Variants in SLC2A13 observed in about 807,000 individuals in gnomAD.
The protein encoded by SLC2A13 is proton myo-inositol cotransporter.
A neutral mutation model predicts 64.4 loss-of-function variants in SLC2A13; 32 were observed. The ratio of observed to expected loss-of-function variants is 0.50; its 90% CI spans 0.37 to 0.67. The LOEUF (loss-of-function observed/expected upper bound fraction) is 0.67, where lower values mean the gene tolerates loss of function less well. Among genes scored for constraint, SLC2A13 ranks in the 30% least tolerant of loss-of-function variants. The pLI is 0.00. For synonymous variants in SLC2A13, 338 were observed against 327.1 expected (o/e 1.03, Z -0.36); for missense variants, 743 against 829.2 (o/e 0.90, Z 1.28).
chr12:39,958,356 T>A (rs997999412), intron 3 of SLC2A13, among the ~76,000 whole-genome samples: 1 of 152,182 alleles, frequency 6.6e-6, no homozygotes, highest in African/African-American at 2.4e-5. Flanking sequence ...AACATACCAG[T>A]CCTACAATGT....
intron 7 of SLC2A13, among the ~76,000 whole-genome samples, chr12:39,821,071 C>G (rs1372050335): frequency 6.6e-6 from 1 of 152,096 alleles, no homozygotes; most frequent in Non-Finnish European, 1.5e-5. Flanking sequence ...CTTTCTTTCA[C>G]TGCCCTGTAC....
At chr12:40,016,780 C>T (rs1947628492) in intron 3 of SLC2A13, among the ~76,000 whole-genome samples, 2 of 152,142 alleles carry the variant, frequency 1.3e-5, no homozygotes, top group African/African-American at 2.4e-5. Flanking sequence ...TAATAAATCA[C>T]ATGAGATTTT....
chr12:40,036,622 G>A (rs944665793), intron 2 of SLC2A13, among the ~76,000 whole-genome samples: 7 of 152,144 alleles, frequency 4.6e-5, no homozygotes, highest in African/African-American at 1.4e-4. Flanking sequence ...TCATATGGTT[G>A]TTCCTTCTAT....
At chr12:39,925,138 T>G (rs890079802) in intron 4 of SLC2A13, among the ~76,000 whole-genome samples, 5 of 150,964 alleles carry the variant, frequency 3.3e-5, no homozygotes, top group African/African-American at 1.2e-4. Context: ...GCTAAATCTA[T>G]GCTCCCACCT....
At chr12:40,081,040 C>T (rs1357811490) in intron 1 of SLC2A13, among the ~76,000 whole-genome samples, 1 of 152,206 alleles carries the variant, frequency 6.6e-6, no homozygotes, top group Non-Finnish European at 1.5e-5. Context: ...CCAATCTCTT[C>T]TGGCTTGTAA....
intron 6 of SLC2A13, among the ~76,000 whole-genome samples, chr12:39,854,323 C>T (rs1943548372): frequency 6.6e-6 from 1 of 151,994 alleles, no homozygotes; most frequent in African/African-American, 2.4e-5. Context: ...ATGAATAATA[C>T]TTGAATATTG....
chr12:40,024,378 A>T (rs1031299966), intron 3 of SLC2A13, among the ~76,000 whole-genome samples: 17 of 152,182 alleles, frequency 1.1e-4, no homozygotes, highest in Non-Finnish European at 1.6e-4. Context: ...TATGATCAAA[A>T]CTTGCAAAAA....
In SLC2A13 at chr12:39,947,658, CTTTTTTT is replaced by C. The variant is rs35298500; in HGVS notation, c.1034+3592_1034+3598del. ...TTAGAATAGATCACAGTGAGAATTT[CTTTTTTT>C]TTTTTTTTTTTTTGAGACGGAGTGT... On this transcript the variant is annotated intron_variant, in intron 4 of 9. Coordinates refer to ENST00000280871, the MANE Select transcript of SLC2A13 (RefSeq NM_052885.4). Among the ~76,000 whole-genome samples the C allele has an allele frequency of 6.5e-5, 8 of 122,236 alleles. No individual in the cohort carries two copies. The East Asian group carries it at 1.2e-3, about 18-fold the overall frequency. 80.2% of individuals were successfully genotyped at this position (122,236 alleles called of 152,430 possible). A position where few individuals can be genotyped will look rare whatever the true frequency, so the allele number is the denominator to read the frequency against.
chr12:40,089,281 A>C lies in SLC2A13; in HGVS notation c.556+15972T>G, dbSNP rs150929178. On this transcript the variant is annotated intron_variant, in intron 1 of 9. Coordinates refer to ENST00000280871, the MANE Select transcript of SLC2A13 (RefSeq NM_052885.4). ...ATATCCAAGAAAAGTGAATTTGATA[A>C]TGTAAAAGTCAGAAGCCAAAAGTAA... Among the ~76,000 whole-genome samples, 9 of 152,344 alleles carry C rather than the reference A, an allele frequency of 5.9e-5. No individual in the cohort carries two copies. In the East Asian group the frequency reaches 1.7e-3, roughly 29 times the overall value.
intron 2 of SLC2A13, among the ~76,000 whole-genome samples, chr12:40,043,886 G>A (rs909888273): frequency 2.0e-5 from 3 of 152,082 alleles, no homozygotes; most frequent in African/African-American, 4.8e-5. Flanking sequence ...ACCCTCATAC[G>A]TTGCTTGTGG....
At chr12:40,040,541 C>A (rs770335034) in intron 2 of SLC2A13, among the ~76,000 whole-genome samples, 1 of 152,134 alleles carries the variant, frequency 6.6e-6, no homozygotes, top group Non-Finnish European at 1.5e-5. Context: ...CAGGCATGTG[C>A]CACTATATCC....
chr12:40,079,027 T>C (rs893331962), intron 1 of SLC2A13, among the ~76,000 whole-genome samples: 1 of 152,284 alleles, frequency 6.6e-6, no homozygotes, highest in African/African-American at 2.4e-5. Context: ...TTTTTCTTTA[T>C]TGGTCTAGCT....
At chr12:39,876,098 C>A (rs1382726585) in intron 4 of SLC2A13, among the ~76,000 whole-genome samples, 1 of 152,126 alleles carries the variant, frequency 6.6e-6, no homozygotes, top group Non-Finnish European at 1.5e-5. Context: ...ATTCCCTGGG[C>A]CAACTTTGGT....
rs1178940645 is a variant in SLC2A13 at position 40,023,548 on chromosome 12, A to G, written c.925+4753T>C. ...ACCTCTCATTTCTGGATTGTTCCCT[A>G]AGACTGCCTTCAGAAGAATCCTGTC... is the stretch of plus-strand genomic sequence containing the variant. On this transcript the variant is annotated intron_variant, in intron 3 of 9. Coordinates refer to ENST00000280871, the MANE Select transcript of SLC2A13 (RefSeq NM_052885.4). Among the ~76,000 whole-genome samples, 11 of 152,222 alleles carry G rather than the reference A, an allele frequency of 7.2e-5. No individual in the cohort carries two copies. The East Asian group carries it at 2.1e-3, about 29-fold the overall frequency.
At chr12:39,953,931 T>G (rs867205106) in intron 3 of SLC2A13, among the ~76,000 whole-genome samples, 3 of 152,170 alleles carry the variant, frequency 2.0e-5, no homozygotes, top group South Asian at 2.1e-4. Context: ...TGATAGGTTG[T>G]CTGTGAACCT....
At chr12:39,913,829 T>C (rs1430730625) in intron 4 of SLC2A13, among the ~76,000 whole-genome samples, 1 of 151,898 alleles carries the variant, frequency 6.6e-6, no homozygotes, top group Admixed American at 6.6e-5. Context: ...ACTAAGCCAA[T>C]ATGAAAAGAA....
chr12:39,947,453 A>G (rs551372460), intron 4 of SLC2A13, among the ~76,000 whole-genome samples: 28 of 152,290 alleles, frequency 1.8e-4, no homozygotes, highest in African/African-American at 6.5e-4. Flanking sequence ...ATGTTATCAA[A>G]CCCACATAGA....
At chr12:39,987,467 C>T (rs1947051010) in intron 3 of SLC2A13, among the ~76,000 whole-genome samples, 1 of 152,160 alleles carries the variant, frequency 6.6e-6, no homozygotes, top group Non-Finnish European at 1.5e-5. Flanking sequence ...AAGCAAACTC[C>T]TGACTCCCTT....
chr12:39,890,594 G>C (rs1463969934), intron 4 of SLC2A13, among the ~76,000 whole-genome samples: 1 of 152,128 alleles, frequency 6.6e-6, no homozygotes, highest in Non-Finnish European at 1.5e-5. Flanking sequence ...TAGACTGTAA[G>C]ATAATTTGTG....
Sources: gnomAD v4.1 joint callset for allele counts (sites outside exome capture counted in the v4.1 genomes callset) on GRCh38, gnomAD v4.1.1 for gene constraint, MANE v1.5 for transcripts, NCBI Gene and HGNC (gene_info 2026-07-23, HGNC 2026-07-21) for gene names.